The following NEDD4L variants were observed in gnomAD, a reference collection of about 807,000 sequenced individuals.
The protein encoded by NEDD4L is E3 ubiquitin-protein ligase NEDD4-like.
Under a neutral mutation model 148.9 loss-of-function variants are expected in NEDD4L, and 54 were observed. The observed-to-expected ratio is 0.36, with a 90% CI of 0.29 to 0.45. NEDD4L has a LOEUF of 0.45. Among genes scored for constraint, NEDD4L ranks in the 20% least tolerant of loss-of-function variants. The pLI, the probability that NEDD4L is intolerant of heterozygous loss-of-function variation, is 1.00. For missense variants in NEDD4L, 856 were observed against 1,233.8 expected (o/e 0.69, Z 4.59); for synonymous variants, 433 against 440.7 (o/e 0.98, Z 0.22).
chr18:58,129,833 C>G (rs1434210990), intron 1 of NEDD4L, among the ~76,000 whole-genome samples: 3 of 146,564 alleles, frequency 2.0e-5, no homozygotes, highest in Non-Finnish European at 3.0e-5. Flanking sequence ...TCTAGTGGAA[C>G]TGTGGTGGTG....
intron 1 of NEDD4L, among the ~76,000 whole-genome samples, chr18:58,104,783 C>G (rs1348040576): frequency 6.6e-6 from 1 of 152,132 alleles, no homozygotes; most frequent in East Asian, 1.9e-4. Flanking sequence ...ACCGTTTCAG[C>G]TTCTATGGAC....
chr18:58,318,167 T>C (rs1308122931), intron 6 of NEDD4L, among the ~76,000 whole-genome samples: 1 of 152,222 alleles, frequency 6.6e-6, no homozygotes, highest in Non-Finnish European at 1.5e-5. Flanking sequence ...GATCGAATTA[T>C]GGATGCTGTG....
At chr18:58,092,377 A>T (rs531581521) in intron 1 of NEDD4L, among the ~76,000 whole-genome samples, 3 of 152,244 alleles carry the variant, frequency 2.0e-5, no homozygotes, top group South Asian at 4.2e-4. Flanking sequence ...GGCAGGAAAG[A>T]TTGCCCAGCA....
chr18:58,281,496 TACCAC>T (rs2053085380), intron 5 of NEDD4L, among the ~76,000 whole-genome samples: 3 of 152,150 alleles, frequency 2.0e-5, no homozygotes, highest in Non-Finnish European at 4.4e-5. Flanking sequence ...TGTCAACTGC[TACCAC>T]ATGGTCCCCT....
At chr18:58,085,879 A>G (rs2083734288) in intron 1 of NEDD4L, among the ~76,000 whole-genome samples, 1 of 152,250 alleles carries the variant, frequency 6.6e-6, no homozygotes, top group Non-Finnish European at 1.5e-5. Context: ...AGATGGAGAC[A>G]AGTGTCTTTG....
intron 9 of NEDD4L, among the ~76,000 whole-genome samples, chr18:58,325,975 T>C (rs1351559668): frequency 2.0e-5 from 3 of 152,150 alleles, no homozygotes; most frequent in Admixed American, 2.0e-4. Context: ...AAGGAGGAAA[T>C]TATCAATGAA....
chr18:58,250,401 G>C, intron 4 of NEDD4L, among the ~76,000 whole-genome samples: 1 of 152,232 alleles, frequency 6.6e-6, no homozygotes, highest in Non-Finnish European at 1.5e-5. Flanking sequence ...GCCCGCCTTG[G>C]CCTCCCAAAG....
At chr18:58,153,744 T>G (rs181033095) in intron 1 of NEDD4L, among the ~76,000 whole-genome samples, 2 of 152,244 alleles carry the variant, frequency 1.3e-5, no homozygotes, top group East Asian at 3.9e-4. Context: ...CCTCATGGGT[T>G]CACGCTGTTC....
intron 1 of NEDD4L, among the ~76,000 whole-genome samples, chr18:58,111,944 A>G (rs114773234): frequency 0.014 from 2,076 of 152,278 alleles, 39 homozygotes; most frequent in African/African-American, 0.048. Context: ...ATCCTCAACA[A>G]CACGTGTTGT....
chr18:58,102,031 T>A (rs2145504432), intron 1 of NEDD4L, among the ~76,000 whole-genome samples: 1 of 152,336 alleles, frequency 6.6e-6, no homozygotes, highest in South Asian at 2.1e-4. Flanking sequence ...GTTGGTTAGT[T>A]TTTCTACATC....
intron 5 of NEDD4L, among the ~76,000 whole-genome samples, chr18:58,290,139 C>A (rs1006085310): frequency 6.6e-6 from 1 of 152,182 alleles, no homozygotes; most frequent in African/African-American, 2.4e-5. Flanking sequence ...ATTCAGAGCC[C>A]ACTCGATGCT....
At chr18:58,390,409 C>A in intron 28 of NEDD4L, 1 of 398,108 alleles carries the variant, frequency 2.5e-6, no homozygotes. Flanking sequence ...CTTTTTATAT[C>A]ATTTATTTTG....
chr18:58,154,261 A>C (rs1458386879), intron 1 of NEDD4L, among the ~76,000 whole-genome samples: 1 of 152,198 alleles, frequency 6.6e-6, no homozygotes, highest in Non-Finnish European at 1.5e-5. Context: ...CAGAGTGAGT[A>C]CTGCCCAGAT....
chr18:58,074,078 A>C (rs1477694175), intron 1 of NEDD4L, among the ~76,000 whole-genome samples: 1 of 152,114 alleles, frequency 6.6e-6, no homozygotes, highest in Non-Finnish European at 1.5e-5. Context: ...AGGGAGCAGC[A>C]TTGGAGCATC....
Position 58,063,354 on chromosome 18 carries a change from G to A in NEDD4L, c.48+18646G>A, listed in dbSNP as rs545140896. On this transcript the variant is annotated intron_variant, in intron 1 of 30. Coordinates refer to ENST00000400345, the MANE Select transcript of NEDD4L (RefSeq NM_001144967.3). ...TTATTGTCATGAGCCACCACACCTGGCCAGGGTCAGTAAGTTAAAAGATAC... is the reference window on the plus strand; with the variant it reads ...TTATTGTCATGAGCCACCACACCTGACCAGGGTCAGTAAGTTAAAAGATAC... 8.5e-5 allele frequency among the ~76,000 whole-genome samples: 13 copies of A among 152,076 alleles called. No individual in the cohort carries two copies. The South Asian group carries it at 2.7e-3, about 32-fold the overall frequency.
At chr18:58,221,267 A>G (rs2043732768) in intron 2 of NEDD4L, among the ~76,000 whole-genome samples, 1 of 152,146 alleles carries the variant, frequency 6.6e-6, no homozygotes, top group South Asian at 2.1e-4. Context: ...GGCTTTAAAT[A>G]AGCAAAACAG....
At chr18:58,122,141 G>A (rs1031214854) in intron 1 of NEDD4L, among the ~76,000 whole-genome samples, 2 of 152,232 alleles carry the variant, frequency 1.3e-5, no homozygotes, top group Non-Finnish European at 2.9e-5. Context: ...TGGGGTGGAA[G>A]TGATGGTTTT....
At chr18:58,360,524 G>A (rs940716013) in intron 19 of NEDD4L, among the ~76,000 whole-genome samples, 10 of 152,034 alleles carry the variant, frequency 6.6e-5, no homozygotes, top group Non-Finnish European at 1.5e-4. Context: ...TTATTTGGTC[G>A]TTTAAAATTT....
At chr18:58,181,690 G>A (rs540483940) in intron 2 of NEDD4L, among the ~76,000 whole-genome samples, 15 of 152,172 alleles carry the variant, frequency 9.9e-5, no homozygotes, top group South Asian at 6.2e-4. Flanking sequence ...TCCTCCTGTC[G>A]TGGCCTAAGA....
Sources: gnomAD v4.1 joint callset for allele counts (sites outside exome capture counted in the v4.1 genomes callset) on GRCh38, gnomAD v4.1.1 for gene constraint, MANE v1.5 for transcripts, NCBI Gene and HGNC (gene_info 2026-07-23, HGNC 2026-07-21) for gene names.